Variants in AUTS2 observed in about 807,000 individuals in gnomAD.
AUTS2 encodes the protein autism susceptibility gene 2 protein.
AUTS2 carries 17 observed loss-of-function variants against 112.4 expected under a neutral mutation model. The ratio of observed to expected loss-of-function variants is 0.15; its 90% confidence interval spans 0.10 to 0.23. The LOEUF (loss-of-function observed/expected upper bound fraction) is 0.23, where lower values mean the gene tolerates loss of function less well. Among genes scored for constraint, AUTS2 ranks in the 10% least tolerant of loss-of-function variants. AUTS2 has a pLI of 1.00. For missense variants in AUTS2, 1,510 were observed against 1,701.6 expected (o/e 0.89, Z 1.98); for synonymous variants, 751 against 702.7 (o/e 1.07, Z -1.09).
chr7:70,752,377 G>C (rs1426351277), intron 6 of AUTS2, among the ~76,000 whole-genome samples: 1 of 152,148 alleles, frequency 6.6e-6, no homozygotes, highest in African/African-American at 2.4e-5. Flanking sequence ...TATTTCTCCT[G>C]TCAGGTCTCT....
At chr7:70,108,783 CAAAAAAAAAAA>C (rs528009205) in intron 2 of AUTS2, among the ~76,000 whole-genome samples, 29 of 69,180 alleles carry the variant, frequency 4.2e-4, no homozygotes, top group African/African-American at 1.2e-3. Flanking sequence ...GCCAACATGG[CAAAAAAAAAAA>C]AAAAAAAAAA....
At chr7:70,217,341 G>T (rs1273590633) in intron 4 of AUTS2, among the ~76,000 whole-genome samples, 2 of 152,176 alleles carry the variant, frequency 1.3e-5, no homozygotes, top group African/African-American at 4.8e-5. Context: ...GTATGTGGGT[G>T]ACATGGACTA....
chr7:70,397,955 G>A (rs1334388627), intron 4 of AUTS2, among the ~76,000 whole-genome samples: 2 of 152,152 alleles, frequency 1.3e-5, no homozygotes, highest in Non-Finnish European at 2.9e-5. Context: ...TGTATATGAT[G>A]TGACTTCAAT....
intron 1 of AUTS2, among the ~76,000 whole-genome samples, chr7:69,835,430 A>G (rs1034425621): frequency 6.6e-6 from 1 of 152,164 alleles, no homozygotes; most frequent in African/African-American, 2.4e-5. Context: ...CTCTAGGGAG[A>G]GGCCACTAGA....
chr7:70,421,180 T>G (rs1285514303), intron 4 of AUTS2, among the ~76,000 whole-genome samples: 1 of 152,226 alleles, frequency 6.6e-6, no homozygotes, highest in Non-Finnish European at 1.5e-5. Flanking sequence ...TCATTCCTTT[T>G]TCTTTCCTAC....
rs772666638 is a variant in AUTS2 at position 70,790,106 on chromosome 7, C to G, written c.2890C>G (p.Pro964Ala). 2.5e-6 allele frequency: 4 copies of G among 1,593,410 alleles called. No individual in the cohort carries two copies. Among genetic ancestry groups the G allele is most frequent in the Non-Finnish European group, 8.5e-7 (1 of 1,171,600 alleles). The change falls in exon 19 of 19, where the codon CCG becomes GCG. Residue 964 changes from proline to alanine, a missense_variant. By Grantham distance (27) the Pro-to-Ala change is conservative. This residue lies in a region of AUTS2 where 788 missense variants were observed against 797.6 expected (regional missense o/e 0.99). Coordinates refer to ENST00000342771, the MANE Select transcript of AUTS2 (RefSeq NM_015570.4). This position sits in a 1 kb window ranked among gnomAD's most constrained non-coding sequence, Gnocchi z 7.6. ...PNSTSSREAE[P>A]RKGEPAYENP... Reference sequence around the variant, plus strand: ...CAGCACCTCGAGCCGGGAGGCCGAGCCGCGCAAGGGTGAGCCGGCCTACGA... The same window carrying G: ...CAGCACCTCGAGCCGGGAGGCCGAGGCGCGCAAGGGTGAGCCGGCCTACGA...
intron 2 of AUTS2, among the ~76,000 whole-genome samples, chr7:70,003,109 AT>A (rs1404042561): frequency 1.4e-5 from 2 of 144,952 alleles, no homozygotes; most frequent in African/African-American, 5.1e-5. Context: ...TTCCAGACAT[AT>A]TTTTGTTCAT....
chr7:70,091,561 G>T (rs1038203936), intron 2 of AUTS2, among the ~76,000 whole-genome samples: 6 of 152,134 alleles, frequency 3.9e-5, no homozygotes, highest in Non-Finnish European at 8.8e-5. Context: ...AAAGAACATT[G>T]TCTGTTTTCT....
chr7:69,778,028 A>G (rs1193379990), intron 1 of AUTS2, among the ~76,000 whole-genome samples: 1 of 152,214 alleles, frequency 6.6e-6, no homozygotes, highest in Non-Finnish European at 1.5e-5. Flanking sequence ...AGAGATAGGT[A>G]GAAATAAATA....
intron 6 of AUTS2, among the ~76,000 whole-genome samples, chr7:70,756,733 A>G (rs1423044870): frequency 2.0e-5 from 3 of 152,202 alleles, no homozygotes; most frequent in African/African-American, 7.2e-5. Flanking sequence ...GAGCAGCCTT[A>G]CCATTGTGTC....
intron 4 of AUTS2, among the ~76,000 whole-genome samples, chr7:70,398,736 T>G (rs1174356617): frequency 6.6e-6 from 1 of 152,172 alleles, no homozygotes; most frequent in Non-Finnish European, 1.5e-5. Flanking sequence ...TGATTCACTT[T>G]TAGAACCTCC....
intron 4 of AUTS2, among the ~76,000 whole-genome samples, chr7:70,407,971 G>A (rs541182332): frequency 5.3e-5 from 8 of 151,514 alleles, no homozygotes; most frequent in South Asian, 2.1e-4. Flanking sequence ...GGAGAATGGC[G>A]TGAACCCGGG....
At chr7:70,743,902 A>G (rs1012421955) in intron 6 of AUTS2, among the ~76,000 whole-genome samples, 2 of 152,092 alleles carry the variant, frequency 1.3e-5, no homozygotes, top group Admixed American at 6.6e-5. Context: ...AGGGTATAGG[A>G]ACTTGAAGCA....
chr7:69,649,728 T>A (rs1446145901), intron 1 of AUTS2, among the ~76,000 whole-genome samples: 1 of 151,004 alleles, frequency 6.6e-6, no homozygotes, highest in African/African-American at 2.4e-5. Context: ...ATCCAGCAAA[T>A]AGCTATAATT....
rs538288619 is a variant in AUTS2, at chr7:69,880,550, A to G, written c.310-18736A>G. On this transcript the variant is annotated intron_variant, in intron 1 of 18. Transcript: ENST00000342771. The stretch of plus-strand genomic sequence containing the variant: ...CAAACCCCTGACTAAGGCAATCTCA[A>G]AGGATAATTTGCCTCAGGTGTCAGA... 6.3e-4 allele frequency among the ~76,000 whole-genome samples: 96 copies of G among 152,306 alleles called. 1 individual carries two copies. The highest frequency in any genetic ancestry group is 2.2e-3 in the African/African-American group (91 of 41,562).
intron 2 of AUTS2, among the ~76,000 whole-genome samples, chr7:70,063,148 A>G (rs988303279): frequency 2.6e-5 from 4 of 152,118 alleles, no homozygotes; most frequent in South Asian, 2.1e-4. Context: ...ACCACATTCA[A>G]CATTTCCAAG....
chr7:70,497,745 G>T (rs1269940982), intron 5 of AUTS2, among the ~76,000 whole-genome samples: 3 of 152,106 alleles, frequency 2.0e-5, no homozygotes, highest in African/African-American at 7.2e-5. Context: ...TTTTCGCTGA[G>T]GTCCTGTGTT....
At chr7:70,036,176 C>T (rs1051044738) in intron 2 of AUTS2, among the ~76,000 whole-genome samples, 21 of 152,200 alleles carry the variant, frequency 1.4e-4, no homozygotes, top group African/African-American at 4.3e-4. Flanking sequence ...GGCAAGAAAA[C>T]GCTGAGCTGC....
chr7:69,979,319 A>G (rs1798195059), intron 2 of AUTS2, among the ~76,000 whole-genome samples: 1 of 152,208 alleles, frequency 6.6e-6, no homozygotes, highest in Non-Finnish European at 1.5e-5. Context: ...TGTTTGAGAC[A>G]AGTAGGACTT....
Sources: gnomAD v4.1 joint callset for allele counts (sites outside exome capture counted in the v4.1 genomes callset) on GRCh38, gnomAD v4.1.1 for gene constraint, gnomAD v4.1.1 regional missense constraint, Gnocchi (gnomAD v3.1) non-coding constraint, MANE v1.5 for transcripts, NCBI Gene and HGNC (gene_info 2026-07-23, HGNC 2026-07-21) for gene names.